ATAD3B: variants seen among roughly 807,000 people sequenced by gnomAD.
The protein encoded by ATAD3B is ATPase family AAA domain-containing protein 3B.
ATAD3B carries 59 observed loss-of-function variants against 70.2 expected under a neutral mutation model. The ratio of observed to expected loss-of-function variants is 0.84; its 90% CI spans 0.68 to 1.04. The LOEUF (loss-of-function observed/expected upper bound fraction) is 1.04. ATAD3B is among the 50% of genes least tolerant of loss of function. The probability of loss-of-function intolerance (pLI) is 0.00; values close to 1 mark genes in which losing one functional copy is unlikely to be tolerated. For missense variants in ATAD3B, 961 were observed against 913.4 expected (o/e 1.05, Z -0.67); for synonymous variants, 423 against 388.6 (o/e 1.09, Z -1.04).
chr1:1,495,236 T>C (rs3851852), intron 15 of ATAD3B, among the ~76,000 whole-genome samples: 22,810 of 151,840 alleles, frequency 0.15, 4,133 homozygotes, highest in East Asian at 0.46. Context: ...CCGCCTTGGG[T>C]TTTCTATTAT....
rs1397081597 is a variant in ATAD3B, at chr1:1,477,213, T to C, written c.206-61T>C. On this transcript the variant is annotated intron_variant, in intron 1 of 15. Transcript: ENST00000673477. Reference sequence around the variant, plus strand: ...TTAGTAGAGGTTGGGTTTCACCATGTTGGCCAGGCTTTGGTATCCGTGTAT... The same window carrying C: ...TTAGTAGAGGTTGGGTTTCACCATGCTGGCCAGGCTTTGGTATCCGTGTAT... The C allele has an allele frequency of 3.3e-5, 53 of 1,595,290 alleles. 1 individual carries two copies. Among genetic ancestry groups the C allele is most frequent in the Non-Finnish European group, 4.4e-5 (51 of 1,168,222 alleles).
Position 1,495,843 on chromosome 1 carries a change from C to T in ATAD3B, c.*26C>T, listed in dbSNP as rs777545112. On this transcript the variant is annotated 3_prime_UTR_variant, in exon 16 of 16. Transcript: ENST00000673477. ...GCACTGGCTAGGGAGGGGCAGGCCT[C>T]CTTCCTGCCCCTCGAGACACTCTTG... is the stretch of plus-strand genomic sequence containing the variant. 50 of 1,520,274 alleles carry T rather than the reference C, an allele frequency of 3.3e-5. 1 individual carries two copies. In the Admixed American group the frequency reaches 7.6e-4, roughly 23 times the overall value. 94.2% of individuals were successfully genotyped at this position (1,520,274 alleles called of 1,614,324 possible).
chr1:1,483,469 A>C (rs1640033250), intron 7 of ATAD3B: 1 of 201,302 alleles, frequency 5.0e-6, no homozygotes, highest in Admixed American at 5.6e-5. Flanking sequence ...CTCTGTCTCA[A>C]AAAAACAAAC....
chr1:1,485,885 G>T, intron 9 of ATAD3B, 47 bp downstream of exon 9: 1 of 1,612,168 alleles, frequency 6.2e-7, no homozygotes, highest in South Asian at 1.1e-5. Flanking sequence ...AGGGGACCCC[G>T]GAGCTGGGCT....
intron 15 of ATAD3B, among the ~76,000 whole-genome samples, chr1:1,491,070 C>T (rs370373399): frequency 9.9e-5 from 15 of 152,076 alleles, no homozygotes; most frequent in African/African-American, 3.6e-4. Flanking sequence ...GTTGTGTTTC[C>T]TGGACCAGGT....
At chr1:1,505,211 G>A in the ATAD3B span, among the ~76,000 whole-genome samples, 3 of 152,214 alleles carry the variant, frequency 2.0e-5, no homozygotes, top group South Asian at 4.1e-4. Flanking sequence ...CGTGGGTCAC[G>A]TGTCCACTGG....
At chr1:1,473,769 C>G (rs1639452569) in intron 1 of ATAD3B, among the ~76,000 whole-genome samples, 1 of 152,086 alleles carries the variant, frequency 6.6e-6, no homozygotes, top group East Asian at 1.9e-4. Flanking sequence ...GATGAGATTA[C>G]AGTCCTGAGC....
chr1:1,474,414 T>C (rs1042554763), intron 1 of ATAD3B, among the ~76,000 whole-genome samples: 2 of 151,114 alleles, frequency 1.3e-5, no homozygotes, highest in African/African-American at 4.9e-5. Flanking sequence ...ATGGTCTCGA[T>C]CTCCTGACCC....
Position 1,496,313 on chromosome 1 carries a change from T to A in ATAD3B, c.*496T>A, listed in dbSNP as rs2100608170. 1.1e-6 allele frequency: 1 copy of A among 903,144 alleles called. No homozygotes were observed. The highest frequency in any genetic ancestry group is 1.3e-6 in the Non-Finnish European group (1 of 754,036). The allele number at this position is 903,144 out of a possible 1,614,324, so 55.9% of individuals were successfully genotyped here. ...CAGAGGCTGGAGCTTTCTGGAGAAT[T>A]TACTGATCACAGAGCGGTGTGCTTC... On this transcript the variant is annotated 3_prime_UTR_variant, in exon 16 of 16. Coordinates refer to ENST00000673477, the MANE Select transcript of ATAD3B (RefSeq NM_031921.6).
chr1:1,489,637 C>T, intron 13 of ATAD3B: 1 of 1,341,806 alleles, frequency 7.5e-7, no homozygotes, highest in Non-Finnish European at 9.9e-7. Context: ...CAGGCTCCCT[C>T]TTCCCTCCCA....
intron 7 of ATAD3B, 42 bp downstream of exon 7, chr1:1,482,656 G>A: frequency 6.2e-7 from 1 of 1,612,672 alleles, no homozygotes; most frequent in Non-Finnish European, 8.5e-7. Flanking sequence ...TGGCTGAGAG[G>A]CAGCATGTGG....
Position 1,495,750 on chromosome 1 carries a change from C to T in ATAD3B, c.1880C>T (p.Pro627Leu). The change falls in exon 16 of 16, where the codon CCT becomes CTT. Residue 627 changes from proline (P) to leucine (L), a missense_variant. Physicochemically the swap from Pro to Leu is moderately conservative, Grantham distance 98. This residue lies in a region of ATAD3B where 417 missense variants were observed against 335.0 expected (regional missense o/e 1.24). Coordinates refer to ENST00000673477, the MANE Select transcript of ATAD3B (RefSeq NM_031921.6). ...SWMGTGLCPG[P>L]LSPRMSCGGG... ...ATGGGGACTGGGCTGTGCCCAGGGC[C>T]TCTGTCCCCCAGGATGTCTTGTGGT... The T allele has an allele frequency of 1.2e-6, 2 of 1,611,752 alleles. No individual in the cohort carries two copies. The highest frequency in any genetic ancestry group is 1.3e-5 in the African/African-American group (1 of 75,004).
At chr1:1,482,745 G>A (rs538355325) in intron 7 of ATAD3B, 131 bp downstream of exon 7, 11 of 1,450,658 alleles carry the variant, frequency 7.6e-6, no homozygotes, top group South Asian at 2.4e-5. Context: ...GCAAACCCAC[G>A]TTGTACCTGC....
intron 15 of ATAD3B, among the ~76,000 whole-genome samples, chr1:1,494,227 C>T (rs1487805730): frequency 6.8e-6 from 1 of 147,226 alleles, no homozygotes; most frequent in Admixed American, 6.7e-5. Flanking sequence ...GCTGTCACTT[C>T]TGGTGGGCTC....
chr1:1,503,763 A>G, the ATAD3B span: 2 of 1,529,728 alleles, frequency 1.3e-6, no homozygotes, highest in African/African-American at 1.4e-5. Context: ...TGGCATGTAC[A>G]TGGGCAGCAG....
In ATAD3B at chr1:1,490,378, C is replaced by T. The variant is rs757878402; in HGVS notation, c.1459C>T (p.Leu487=). 1 of 1,613,502 alleles carries T rather than the reference C, an allele frequency of 6.2e-7. No individual in the cohort carries two copies. The highest frequency in any genetic ancestry group is 8.5e-7 in the Non-Finnish European group (1 of 1,179,672). ...GGAGGAGCGGGAGCGCCTGGTGAGA[C>T]TGCATTTTGACAACTGTGTTCTTAA... is the stretch of plus-strand genomic sequence containing the variant. ...QQEERERLVR[L]HFDNCVLKPA... Residue 487 remains leucine, a synonymous_variant, in exon 14 of 16, where the codon CTG becomes TTG. Transcript: ENST00000673477.
At position 1,484,842 on chromosome 1, in the gene ATAD3B, G is replaced by A. The variant is rs1570240971; in HGVS notation, c.751-174G>A. On this transcript the variant is annotated intron_variant, in intron 7 of 15. Transcript: ENST00000673477. ...GTTATGACTGCCCCACCTGCCTCCTGTAACCGCGTGGCTGTGGGATTCGGG... is the reference window on the plus strand; with the variant it reads ...GTTATGACTGCCCCACCTGCCTCCTATAACCGCGTGGCTGTGGGATTCGGG... The A allele has an allele frequency of 5.0e-6, 7 of 1,403,752 alleles. No individual in the cohort carries two copies. The South Asian group carries it at 1.1e-4, about 21-fold the overall frequency. The allele number at this position is 1,403,752 out of a possible 1,614,324, so 87.0% of individuals were successfully genotyped here.
chr1:1,482,709 C>T (rs1639986016), intron 7 of ATAD3B, 95 bp downstream of exon 7: 1 of 1,584,942 alleles, frequency 6.3e-7, no homozygotes, highest in Non-Finnish European at 8.6e-7. Context: ...CGGCTCTGCA[C>T]AGCCCTGTAG....
At chr1:1,507,058 A>G in the ATAD3B span, among the ~76,000 whole-genome samples, 1 of 152,260 alleles carries the variant, frequency 6.6e-6, no homozygotes, top group East Asian at 1.9e-4. Flanking sequence ...AAGTGCTGGG[A>G]TTACAGGCGT....
Sources: allele counts gnomAD v4.1 joint callset (sites outside exome capture counted in the v4.1 genomes callset), GRCh38; gene constraint gnomAD v4.1.1; regional missense constraint gnomAD v4.1.1; transcripts MANE v1.5; gene names NCBI Gene and HGNC (gene_info 2026-07-23, HGNC 2026-07-21).